The following OMA1 variants were observed in gnomAD, a reference collection of about 807,000 sequenced individuals.
The protein encoded by OMA1 is metalloendopeptidase OMA1, mitochondrial.
A neutral mutation model predicts 30.9 loss-of-function variants in OMA1; 38 were observed. The ratio of observed to expected loss-of-function variants is 1.23; its 90% confidence interval spans 0.95 to 1.61. The LOEUF (loss-of-function observed/expected upper bound fraction) is 1.61. Among genes scored for constraint, OMA1 ranks in the 40% most tolerant of loss-of-function variants. The probability of loss-of-function intolerance (pLI) is 0.00; values close to 1 mark genes in which losing one functional copy is unlikely to be tolerated. For synonymous variants in OMA1, 173 were observed against 121.9 expected (o/e 1.42, Z -2.76); for missense variants, 461 against 349.2 (o/e 1.32, Z -2.55).
intron 8 of OMA1, among the ~76,000 whole-genome samples, chr1:58,486,835 G>A (rs1326977528): frequency 1.3e-5 from 2 of 152,112 alleles, no homozygotes; most frequent in African/African-American, 4.8e-5. Flanking sequence ...GCTGTAAGGA[G>A]GACACTAGCT....
At chr1:58,487,221 A>G (rs1041481702) in intron 8 of OMA1, among the ~76,000 whole-genome samples, 3 of 152,232 alleles carry the variant, frequency 2.0e-5, no homozygotes, top group African/African-American at 7.2e-5. Context: ...GTACTTGTTA[A>G]AGCAGTCAAG....
chr1:58,487,593 G>C (rs1387447617), intron 8 of OMA1, among the ~76,000 whole-genome samples: 1 of 152,064 alleles, frequency 6.6e-6, no homozygotes, highest in Non-Finnish European at 1.5e-5. Flanking sequence ...AATCCCATCA[G>C]GGCTAGGCGT....
chr1:58,517,865 A>G (rs1646181624), intron 7 of OMA1, among the ~76,000 whole-genome samples: 1 of 151,848 alleles, frequency 6.6e-6, no homozygotes, highest in Non-Finnish European at 1.5e-5. Flanking sequence ...AATTCTGGTC[A>G]ATGTCTTCTT....
chr1:58,510,134 T>C (rs1646050938), intron 7 of OMA1, among the ~76,000 whole-genome samples: 1 of 137,232 alleles, frequency 7.3e-6, no homozygotes, highest in Non-Finnish European at 1.6e-5. Context: ...AAACTCATTT[T>C]ATGAGGCCAG....
chr1:58,530,307 G>C (rs1646415263), intron 6 of OMA1, among the ~76,000 whole-genome samples: 1 of 152,162 alleles, frequency 6.6e-6, no homozygotes, highest in Non-Finnish European at 1.5e-5. Context: ...AGGGTCAGTG[G>C]CTGGGTTTTC....
chr1:58,528,086 A>C (rs1646379860), intron 6 of OMA1, among the ~76,000 whole-genome samples: 1 of 152,240 alleles, frequency 6.6e-6, no homozygotes, highest in Non-Finnish European at 1.5e-5. Flanking sequence ...GAAATAATAT[A>C]ATAAATCTGA....
chr1:58,495,735 T>C (rs1359264394), intron 8 of OMA1, among the ~76,000 whole-genome samples: 1 of 152,156 alleles, frequency 6.6e-6, no homozygotes, highest in Non-Finnish European at 1.5e-5. Flanking sequence ...GTAGATATCA[T>C]ACCAAAGTGT....
chr1:58,535,448 T>C (rs1646501369), intron 3 of OMA1, among the ~76,000 whole-genome samples: 1 of 151,778 alleles, frequency 6.6e-6, no homozygotes, highest in African/African-American at 2.4e-5. Flanking sequence ...ATACAAAAAT[T>C]GGCCAGGCGT....
chr1:58,499,800 A>AAGGG (rs1193241372), intron 8 of OMA1, among the ~76,000 whole-genome samples: 1 of 152,044 alleles, frequency 6.6e-6, no homozygotes, highest in African/African-American at 2.4e-5. Context: ...GTAAATAAAA[A>AAGGG]ATAAACACTT....
chr1:58,523,521 T>C (rs1646299573), intron 7 of OMA1, among the ~76,000 whole-genome samples: 1 of 152,108 alleles, frequency 6.6e-6, no homozygotes, highest in Non-Finnish European at 1.5e-5. Context: ...AATGTTGTGT[T>C]TGGGGGCAAG....
intron 8 of OMA1, among the ~76,000 whole-genome samples, chr1:58,486,956 A>T (rs1645586224): frequency 6.6e-6 from 1 of 152,212 alleles, no homozygotes; most frequent in Admixed American, 6.5e-5. Context: ...ACGTGCCTGG[A>T]AGACATAGGA....
chr1:58,523,254 A>G (rs957656719), intron 7 of OMA1, among the ~76,000 whole-genome samples: 26 of 151,936 alleles, frequency 1.7e-4, no homozygotes. Flanking sequence ...TCTTTTCATC[A>G]TTTCCTTGAC....
At chr1:58,518,929 A>G (rs1042171616) in intron 7 of OMA1, among the ~76,000 whole-genome samples, 1 of 152,222 alleles carries the variant, frequency 6.6e-6, no homozygotes, top group African/African-American at 2.4e-5. Context: ...GTTGAGGCAC[A>G]AAAAGGATAA....
chr1:58,496,099 G>C (rs1276932872), intron 8 of OMA1, among the ~76,000 whole-genome samples: 2 of 151,828 alleles, frequency 1.3e-5, no homozygotes, highest in Non-Finnish European at 2.9e-5. Flanking sequence ...ATGTACAAAT[G>C]TATCTTTCCC....
chr1:58,536,234 T>C (rs931212241), intron 3 of OMA1, among the ~76,000 whole-genome samples: 1 of 152,120 alleles, frequency 6.6e-6, no homozygotes, highest in African/African-American at 2.4e-5. Flanking sequence ...CCAGTCACCC[T>C]GCCTAACCCA....
chr1:58,522,336 G>A (rs899180561), intron 7 of OMA1, among the ~76,000 whole-genome samples: 1 of 152,014 alleles, frequency 6.6e-6, no homozygotes, highest in African/African-American at 2.4e-5. Flanking sequence ...AAGAAAAAGT[G>A]CAGAAAATGC....
chr1:58,485,228 TAAAAAAAAAAAAAA>T (rs71043289), intron 8 of OMA1, among the ~76,000 whole-genome samples: 1 of 42,036 alleles, frequency 2.4e-5, no homozygotes, highest in South Asian at 1.3e-3. Flanking sequence ...AGTCTACTAC[TAAAAAAAAAAAAAA>T]AAAAAAAAAA....
chr1:58,484,580 G>A (rs550014995), intron 8 of OMA1, among the ~76,000 whole-genome samples: 3 of 152,262 alleles, frequency 2.0e-5, no homozygotes, highest in African/African-American at 7.2e-5. Flanking sequence ...CTGAGTCTCA[G>A]AGAAGTTAAA....
chr1:58,530,116 C>T (rs1203533298), intron 6 of OMA1, among the ~76,000 whole-genome samples: 3 of 152,150 alleles, frequency 2.0e-5, no homozygotes, highest in African/African-American at 7.2e-5. Context: ...CTCCTGACTT[C>T]GTGATCCACC....
Sources: gnomAD v4.1 joint callset for allele counts (sites outside exome capture counted in the v4.1 genomes callset) on GRCh38, gnomAD v4.1.1 for gene constraint, MANE v1.5 for transcripts, NCBI Gene and HGNC (gene_info 2026-07-23, HGNC 2026-07-21) for gene names.